The following BABAM2 variants were observed in gnomAD, a reference collection of about 807,000 sequenced individuals.
BABAM2 encodes BRISC and BRCA1-A complex member 2.
BABAM2 carries 31 observed loss-of-function variants against 54.7 expected under a neutral mutation model. The observed-to-expected ratio is 0.57, with a 90% CI of 0.43 to 0.77. The LOEUF (loss-of-function observed/expected upper bound fraction) is 0.77, where lower values mean the gene tolerates loss of function less well. Among genes scored for constraint, BABAM2 ranks in the 30% least tolerant of loss-of-function variants. The pLI is 0.00. For synonymous variants in BABAM2, 167 were observed against 162.9 expected, an observed-to-expected ratio of 1.03 and a Z score of -0.19; for missense variants, 364 against 455.8, an observed-to-expected ratio of 0.80 and a Z score of 1.83.
intron 2 of BABAM2, among the ~76,000 whole-genome samples, chr2:27,927,838 G>GTTTTTTTTTTTTT (rs376186465): frequency 3.7e-5 from 5 of 135,750 alleles, no homozygotes; most frequent in Non-Finnish European, 4.6e-5. Flanking sequence ...TAAAGTTTCT[G>GTTTTTTTTTTTTT]TTTTTTTTTT....
intron 7 of BABAM2, among the ~76,000 whole-genome samples, chr2:28,154,734 C>T (rs540146298): frequency 6.6e-6 from 1 of 152,140 alleles, no homozygotes; most frequent in Admixed American, 6.5e-5. Context: ...ATAATCAGGT[C>T]CTTTTGTTTC....
chr2:28,069,578 T>C (rs1334003188), intron 6 of BABAM2, among the ~76,000 whole-genome samples: 1 of 152,166 alleles, frequency 6.6e-6, no homozygotes, highest in African/African-American at 2.4e-5. Context: ...ACCATGAGAA[T>C]TGTGGTGCTA....
At chr2:27,894,478 GT>G in intron 1 of BABAM2, 54 bp from the exon 2 acceptor site, 2 of 1,530,712 alleles carry the variant, frequency 1.3e-6, no homozygotes, top group Non-Finnish European at 1.8e-6. Flanking sequence ...CAGGCAGAGT[GT>G]TGTATCTAGT....
At chr2:27,904,901 A>G (rs1666080647) in intron 2 of BABAM2, among the ~76,000 whole-genome samples, 1 of 152,238 alleles carries the variant, frequency 6.6e-6, no homozygotes, top group Admixed American at 6.5e-5. Flanking sequence ...TAAGTGATTC[A>G]ATACAGGAAG....
At chr2:28,152,509 G>A (rs954298512) in intron 7 of BABAM2, among the ~76,000 whole-genome samples, 1 of 152,190 alleles carries the variant, frequency 6.6e-6, no homozygotes, top group East Asian at 1.9e-4. Flanking sequence ...TAACGGGAAG[G>A]AGGAGCTGGG....
intron 10 of BABAM2, among the ~76,000 whole-genome samples, chr2:28,296,708 G>A (rs886239748): frequency 6.6e-6 from 1 of 152,108 alleles, no homozygotes; most frequent in Non-Finnish European, 1.5e-5. Context: ...TTATTTTTAA[G>A]ACGGAGTCTC....
intron 2 of BABAM2, among the ~76,000 whole-genome samples, chr2:27,923,799 T>C (rs1364425773): frequency 6.6e-6 from 1 of 152,034 alleles, no homozygotes; most frequent in Non-Finnish European, 1.5e-5. Flanking sequence ...GGTGAAACCT[T>C]GCCTCTATTA....
chr2:27,959,722 G>A (rs1400518414), intron 3 of BABAM2, among the ~76,000 whole-genome samples: 1 of 152,006 alleles, frequency 6.6e-6, no homozygotes, highest in Non-Finnish European at 1.5e-5. Context: ...CCTGGCAGAG[G>A]CACAACTGTC....
intron 7 of BABAM2, among the ~76,000 whole-genome samples, chr2:28,194,315 G>A (rs2147930565): frequency 6.6e-6 from 1 of 152,208 alleles, no homozygotes; most frequent in African/African-American, 2.4e-5. Context: ...CTGTGGTAAG[G>A]CTTCCTGCTC....
chr2:27,896,091 G>C (rs1026107278), intron 2 of BABAM2: 6 of 151,954 alleles, frequency 3.9e-5, no homozygotes, highest in African/African-American at 9.7e-5. Context: ...CTGGACTCTG[G>C]GATTTGTGGG....
intron 3 of BABAM2, among the ~76,000 whole-genome samples, chr2:27,978,579 AC>A (rs1052445477): frequency 3.3e-5 from 5 of 152,196 alleles, no homozygotes; most frequent in South Asian, 2.1e-4. Context: ...TAATGCAGCA[AC>A]TGATAAGAAT....
At chr2:28,205,700 C>CT (rs1678773730) in intron 7 of BABAM2, among the ~76,000 whole-genome samples, 1 of 152,070 alleles carries the variant, frequency 6.6e-6, no homozygotes, top group Admixed American at 6.5e-5. Flanking sequence ...GGTCCCAAAC[C>CT]TTCTGTAGAG....
intron 10 of BABAM2, among the ~76,000 whole-genome samples, chr2:28,247,938 G>A (rs1281107206): frequency 6.6e-6 from 1 of 152,112 alleles, no homozygotes; most frequent in East Asian, 1.9e-4. Context: ...TCCAGGAGTG[G>A]GGACTGTGGC....
At chr2:27,899,111 AG>A (rs1357639206) in intron 2 of BABAM2, among the ~76,000 whole-genome samples, 2 of 152,146 alleles carry the variant, frequency 1.3e-5, no homozygotes, top group Admixed American at 1.3e-4. Flanking sequence ...ACAAAAATAA[AG>A]AAAAAAAATA....
At chr2:27,936,845 G>A (rs1422917308) in intron 3 of BABAM2, among the ~76,000 whole-genome samples, 1 of 152,034 alleles carries the variant, frequency 6.6e-6, no homozygotes, top group African/African-American at 2.4e-5. Context: ...TATACGTAAT[G>A]CTAAATGACG....
At chr2:27,905,481 G>A (rs1666125417) in intron 2 of BABAM2, among the ~76,000 whole-genome samples, 2 of 152,094 alleles carry the variant, frequency 1.3e-5, no homozygotes, top group African/African-American at 4.8e-5. Flanking sequence ...AGTTATGGGG[G>A]TGAAATGAGA....
intron 6 of BABAM2, among the ~76,000 whole-genome samples, chr2:28,095,359 TTTCCTGTC>T (rs1666521069): frequency 6.6e-6 from 1 of 152,196 alleles, no homozygotes; most frequent in South Asian, 2.1e-4. Context: ...GTTGGCTTAC[TTTCCTGTC>T]TTTCTTCTAC....
At chr2:28,327,978 G>A (rs922039590) in intron 11 of BABAM2, among the ~76,000 whole-genome samples, 15 of 152,190 alleles carry the variant, frequency 9.9e-5, no homozygotes, top group African/African-American at 3.4e-4. Flanking sequence ...GGCTGCCATC[G>A]CCCGGGGCAT....
At chr2:27,949,528 C>T (rs1669548872) in intron 3 of BABAM2, among the ~76,000 whole-genome samples, 1 of 147,676 alleles carries the variant, frequency 6.8e-6, no homozygotes, top group Non-Finnish European at 1.5e-5. Context: ...AGTGAGATTC[C>T]GTCTCAAAAA....
Sources: allele counts gnomAD v4.1 joint callset (sites outside exome capture counted in the v4.1 genomes callset), GRCh38; gene constraint gnomAD v4.1.1; transcripts MANE v1.5; gene names NCBI Gene and HGNC (gene_info 2026-07-23, HGNC 2026-07-21).